ANO2: variants seen among roughly 807,000 people sequenced by gnomAD.
The protein encoded by ANO2 is anoctamin-2.
In ANO2, 101 loss-of-function variants were observed where a neutral mutation model predicts 124.2. The observed-to-expected ratio is 0.81, with a 90% CI of 0.69 to 0.96. The LOEUF is 0.96. ANO2 is among the 40% of genes least tolerant of loss of function. The pLI is 0.00. For synonymous variants in ANO2, 486 were observed against 482.5 expected (o/e 1.01, Z -0.09); for missense variants, 1,293 against 1,274.5 (o/e 1.01, Z -0.22).
chr12:5,721,507 T>G (rs1318162925), intron 14 of ANO2, among the ~76,000 whole-genome samples: 2 of 141,930 alleles, frequency 1.4e-5, no homozygotes, highest in Admixed American at 6.9e-5. Flanking sequence ...GGGTTTTTTT[T>G]TTTTGTTTTT....
intron 14 of ANO2, among the ~76,000 whole-genome samples, chr12:5,657,711 C>G (rs943005964): frequency 3.3e-5 from 5 of 152,234 alleles, no homozygotes; most frequent in African/African-American, 1.2e-4. Context: ...TTTTTATGAG[C>G]CAGCCCACTG....
At chr12:5,627,703 A>G (rs79791839) in intron 16 of ANO2, among the ~76,000 whole-genome samples, 5,412 of 152,192 alleles carry the variant, frequency 0.036, 316 homozygotes, top group African/African-American at 0.12. Flanking sequence ...TTTTTCCCCC[A>G]TCCTTTTCCT....
chr12:5,684,285 G>A (rs1469637321), intron 14 of ANO2, among the ~76,000 whole-genome samples: 1 of 152,224 alleles, frequency 6.6e-6, no homozygotes, highest in Non-Finnish European at 1.5e-5. Context: ...CTCCTCAGAG[G>A]GATAGGGATC....
chr12:5,596,347 A>G (rs186474996), intron 20 of ANO2, among the ~76,000 whole-genome samples: 2,367 of 151,952 alleles, frequency 0.016, 71 homozygotes, highest in African/African-American at 0.053. Context: ...AATGGGAAAT[A>G]AAAAAATAAA....
intron 14 of ANO2, among the ~76,000 whole-genome samples, chr12:5,687,170 A>G (rs1171283603): frequency 6.6e-6 from 1 of 152,250 alleles, no homozygotes; most frequent in Non-Finnish European, 1.5e-5. Flanking sequence ...AAGCTAGGTT[A>G]CCAAATGATC....
At chr12:5,598,266 T>A (rs1340277585) in intron 20 of ANO2, among the ~76,000 whole-genome samples, 1 of 152,242 alleles carries the variant, frequency 6.6e-6, no homozygotes, top group East Asian at 1.9e-4. Context: ...TACTAAGCAC[T>A]GAATTAAACA....
intron 14 of ANO2, among the ~76,000 whole-genome samples, chr12:5,688,212 C>T (rs1178621825): frequency 6.6e-6 from 1 of 152,164 alleles, no homozygotes; most frequent in Admixed American, 6.5e-5. Flanking sequence ...TGGGGCTGAG[C>T]TCACCCATTC....
At chr12:5,611,911 C>G (rs1345840245) in intron 19 of ANO2, among the ~76,000 whole-genome samples, 1 of 152,194 alleles carries the variant, frequency 6.6e-6, no homozygotes, top group Non-Finnish European at 1.5e-5. Flanking sequence ...CTCAGTTACC[C>G]CTGGGCATCT....
chr12:5,645,784 C>T (rs1591810582), intron 15 of ANO2, among the ~76,000 whole-genome samples: 2 of 152,212 alleles, frequency 1.3e-5, no homozygotes, highest in Admixed American at 6.5e-5. Flanking sequence ...TTTTTTGAGG[C>T]CTGGCATAAA....
chr12:5,727,586 T>G (rs1343136862), intron 14 of ANO2, among the ~76,000 whole-genome samples: 1 of 151,208 alleles, frequency 6.6e-6, no homozygotes, highest in African/African-American at 2.4e-5. Flanking sequence ...ACTAAATTTT[T>G]TTCTCCTATG....
intron 14 of ANO2, among the ~76,000 whole-genome samples, chr12:5,721,505 T>TTG (rs1555146195): frequency 1.4e-5 from 2 of 140,918 alleles, no homozygotes; most frequent in African/African-American, 5.3e-5. Flanking sequence ...TTGGGTTTTT[T>TTG]TTTTTTGTTT....
intron 3 of ANO2, among the ~76,000 whole-genome samples, chr12:5,884,903 T>G (rs1356969416): frequency 6.8e-6 from 1 of 147,188 alleles, no homozygotes; most frequent in Non-Finnish European, 1.5e-5. Flanking sequence ...GAACACCCCC[T>G]GCCCACCCAC....
At chr12:5,717,830 T>C (rs1445930878) in intron 14 of ANO2, among the ~76,000 whole-genome samples, 1 of 152,214 alleles carries the variant, frequency 6.6e-6, no homozygotes, top group Non-Finnish European at 1.5e-5. Context: ...GGCTCCCAAA[T>C]GGAGCCAACT....
In ANO2 at chr12:5,787,062, CA is replaced by C. The variant is rs1260145525; in HGVS notation, c.1055+12444del. Among the ~76,000 whole-genome samples the C allele has an allele frequency of 6.6e-6, 1 of 152,072 alleles. No homozygotes were observed. The highest frequency in any genetic ancestry group is 2.4e-5 in the African/African-American group (1 of 41,402). On this transcript the variant is annotated intron_variant, in intron 10 of 24. Transcript: ENST00000682330. The surrounding 1 kb of genome is among the most constrained non-coding windows in gnomAD (Gnocchi z 4.2). ...TGAGACCATAGGTTAGTTATGATGT[CA>C]GGGGGATGAGGAGAGGAAGACAAAA...
chr12:5,841,991 T>C (rs867822520), intron 4 of ANO2, among the ~76,000 whole-genome samples: 1 of 152,182 alleles, frequency 6.6e-6, no homozygotes, highest in Non-Finnish European at 1.5e-5. Context: ...CACCTCGGCC[T>C]CCTGAGTTGC....
At chr12:5,751,052 G>C (rs1232121410) in intron 10 of ANO2, 82 bp from the exon 11 acceptor site, 2 of 1,377,082 alleles carry the variant, frequency 1.5e-6, no homozygotes, top group African/African-American at 2.9e-5. Flanking sequence ...TATGCCTAAG[G>C]GTGGGTCAAC....
intron 13 of ANO2, among the ~76,000 whole-genome samples, chr12:5,735,461 A>C (rs1950819653): frequency 6.6e-6 from 1 of 152,206 alleles, no homozygotes; most frequent in Admixed American, 6.5e-5. Flanking sequence ...CTTTCCAGGC[A>C]CTGAGGCTAT....
rs149104371 is a variant in ANO2, at chr12:5,584,938, G to A, written c.2234-6420C>T. On this transcript the variant is annotated intron_variant, in intron 20 of 24. Transcript: ENST00000682330. ...GCACATTCTATATACTGGAGACCATGTGCATTGCTAAATACGAAGATGAGC... is the reference window on the plus strand; with the variant it reads ...GCACATTCTATATACTGGAGACCATATGCATTGCTAAATACGAAGATGAGC... Among the ~76,000 whole-genome samples the A allele has an allele frequency of 5.3e-5, 8 of 152,262 alleles. No individual in the cohort carries two copies. The East Asian group carries it at 1.5e-3, about 29-fold the overall frequency.
At chr12:5,649,257 T>C (rs1001490573) in intron 14 of ANO2, among the ~76,000 whole-genome samples, 1 of 152,152 alleles carries the variant, frequency 6.6e-6, no homozygotes, top group East Asian at 1.9e-4. Flanking sequence ...GCTTACTAAA[T>C]TGTGGTAGAA....
Sources: gnomAD v4.1 joint callset for allele counts (sites outside exome capture counted in the v4.1 genomes callset) on GRCh38, gnomAD v4.1.1 for gene constraint, Gnocchi (gnomAD v3.1) non-coding constraint, MANE v1.5 for transcripts, NCBI Gene and HGNC (gene_info 2026-07-23, HGNC 2026-07-21) for gene names.